Variants in ROBO2 observed in about 807,000 individuals in gnomAD.
ROBO2 encodes roundabout homolog 2.
In ROBO2, 53 loss-of-function variants were observed where a neutral mutation model predicts 160.8. That is an observed-to-expected ratio of 0.33 (90% CI 0.26 to 0.41). The LOEUF (loss-of-function observed/expected upper bound fraction) is 0.41, where lower values mean the gene tolerates loss of function less well. ROBO2 is among the 10% of genes least tolerant of loss of function. The pLI is 1.00. For synonymous variants in ROBO2, 664 were observed against 611.7 expected (o/e 1.09, Z -1.26); for missense variants, 1,577 against 1,722.4 (o/e 0.92, Z 1.49).
intron 15 of ROBO2, 30 bp from the exon 17 acceptor site, chr3:77,579,917 C>G: frequency 1.3e-6 from 2 of 1,589,902 alleles, no homozygotes; most frequent in Non-Finnish European, 1.7e-6. Context: ...AATCTTATAT[C>G]CATGTGTTAT....
In ROBO2 at chr3:75,922,034, A is replaced by G. The variant is rs543801195; in HGVS notation, c.-14+15074A>G. ...CTTTTACAGGGTAGTGGTGGGGAAG[A>G]AGAACTGACTGTCATGCTTGAATTC... is the stretch of plus-strand genomic sequence containing the variant. On this transcript the variant is annotated intron_variant, in intron 1 of 26. Coordinates refer to the ROBO2 transcript ENST00000487694. Among the ~76,000 whole-genome samples the G allele has an allele frequency of 1.7e-4, 26 of 152,304 alleles. No homozygotes were observed. In the South Asian group the frequency reaches 5.2e-3, roughly 30 times the overall value.
chr3:77,037,560 A>G (rs1253834797), upstream of ROBO2, among the ~76,000 whole-genome samples: 1 of 152,176 alleles, frequency 6.6e-6, no homozygotes, highest in African/African-American at 2.4e-5. Flanking sequence ...ACCCTACACA[A>G]GGATAACTTT....
intron 23 of ROBO2, 73 bp downstream of exon 24, chr3:77,622,505 C>T: frequency 8.2e-7 from 1 of 1,223,624 alleles, no homozygotes; most frequent in Non-Finnish European, 1.2e-6. Flanking sequence ...CAACTACTTC[C>T]TTATTGTAAG....
intron 2 of ROBO2, among the ~76,000 whole-genome samples, chr3:76,555,580 G>T (rs1025211283): frequency 2.0e-5 from 3 of 152,102 alleles, no homozygotes; most frequent in Non-Finnish European, 2.9e-5. Context: ...TTGTAGAGGG[G>T]TAACAGGAGA....
intron 1 of ROBO2, among the ~76,000 whole-genome samples, chr3:77,094,620 A>G (rs140518937): frequency 1.5e-4 from 23 of 152,332 alleles, no homozygotes; most frequent in Admixed American, 5.2e-4. Context: ...ATTGTTTTCC[A>G]AAGTGACTGT....
In ROBO2 at chr3:76,779,052, T is replaced by C. The variant is rs372629889; in HGVS notation, c.110-318962T>C. ...TCAACAGAACTGTCTGACTTCATAA[T>C]CTCTACCTCTCATCCAGGCTGAATC... On this transcript the variant is annotated intron_variant, in intron 2 of 26. Coordinates refer to the ROBO2 transcript ENST00000487694. Among the ~76,000 whole-genome samples, 11 of 151,038 alleles carry C rather than the reference T, an allele frequency of 7.3e-5. No individual in the cohort carries two copies. The East Asian group carries it at 1.4e-3, about 19-fold the overall frequency.
chr3:77,575,634 A>G (rs1295852075), intron 14 of ROBO2, among the ~76,000 whole-genome samples: 2 of 152,136 alleles, frequency 1.3e-5, no homozygotes, highest in African/African-American at 4.8e-5. Flanking sequence ...ATGCATATTC[A>G]AAAAGGCATC....
intron 2 of ROBO2, among the ~76,000 whole-genome samples, chr3:77,112,757 C>T (rs2073790504): frequency 6.6e-6 from 1 of 152,130 alleles, no homozygotes; most frequent in African/African-American, 2.4e-5. Context: ...CCTCGGTGTG[C>T]CATACGGTGA....
chr3:77,295,994 T>A (rs1170629957), intron 2 of ROBO2, among the ~76,000 whole-genome samples: 1 of 143,728 alleles, frequency 7.0e-6, no homozygotes, highest in Non-Finnish European at 1.5e-5. Context: ...GTAAAATTGA[T>A]GGTTAAACGG....
intron 2 of ROBO2, among the ~76,000 whole-genome samples, chr3:76,181,814 G>T (rs1187312836): frequency 1.5e-5 from 2 of 133,482 alleles, no homozygotes; most frequent in East Asian, 4.5e-4. Flanking sequence ...ATATAGAAAA[G>T]GATGATATCA....
chr3:76,407,552 T>C (rs2075271190), intron 2 of ROBO2, among the ~76,000 whole-genome samples: 1 of 151,872 alleles, frequency 6.6e-6, no homozygotes, highest in African/African-American at 2.4e-5. Context: ...AAAGGATGCA[T>C]CTTACCATTA....
intron 2 of ROBO2, among the ~76,000 whole-genome samples, chr3:77,136,765 T>C (rs368296825): frequency 2.8e-4 from 42 of 151,818 alleles, no homozygotes; most frequent in East Asian, 2.5e-3. Flanking sequence ...GCCTCCTGAG[T>C]AGCTGGGACT....
In ROBO2 at chr3:77,257,632, T is replaced by C. The variant is rs538408469; in HGVS notation, c.388+159292T>C. ...GGCAGTGCAGTCTGTATGTAAACAG[T>C]GAAAAACCCTTTGCACAGTTGTACT... On this transcript the variant is annotated intron_variant, in intron 2 of 25. Transcript: ENST00000461745. 6.1e-4 allele frequency among the ~76,000 whole-genome samples: 93 copies of C among 152,326 alleles called. No individual in the cohort carries two copies. In the South Asian group the frequency reaches 0.019, roughly 31 times the overall value.
At chr3:77,489,049 A>T (rs1388694823) in intron 4 of ROBO2, among the ~76,000 whole-genome samples, 1 of 152,222 alleles carries the variant, frequency 6.6e-6, no homozygotes, top group Non-Finnish European at 1.5e-5. Context: ...TGAATAACAC[A>T]GTTTAGAGAT....
chr3:75,911,064 G>GT (rs1045502489), intron 1 of ROBO2, among the ~76,000 whole-genome samples: 2 of 151,798 alleles, frequency 1.3e-5, no homozygotes, highest in Admixed American at 1.3e-4. Context: ...GAAAAATGTA[G>GT]TTTTTTAAAA....
intron 2 of ROBO2, among the ~76,000 whole-genome samples, chr3:76,729,267 A>C (rs1200398842): frequency 6.6e-6 from 1 of 151,948 alleles, no homozygotes; most frequent in Admixed American, 6.6e-5. Context: ...AAATAAAACA[A>C]TTACCAAGGT....
At chr3:77,575,954 A>G (rs1011932880) in intron 14 of ROBO2, among the ~76,000 whole-genome samples, 1 of 151,988 alleles carries the variant, frequency 6.6e-6, no homozygotes, top group African/African-American at 2.4e-5. Flanking sequence ...AACAAATGGA[A>G]CTCAGCTGGG....
rs111739396 is a variant in ROBO2 at position 77,615,697 on chromosome 3, A to T, written c.3294-1816A>T. ...TCTTTTTAGCAACGAATAATATTCC[A>T]TTGCATGGATGTAATGCAGTTTATT... is the stretch of plus-strand genomic sequence containing the variant. On this transcript the variant is annotated intron_variant, in intron 21 of 25. Coordinates refer to ENST00000461745, the Ensembl canonical transcript of ROBO2. 2.2e-3 allele frequency among the ~76,000 whole-genome samples: 340 copies of T among 152,294 alleles called. 2 individuals are homozygous for T. The highest frequency in any genetic ancestry group is 7.9e-3 in the African/African-American group (327 of 41,574).
chr3:76,516,599 G>A lies in ROBO2; in HGVS notation c.109+578997G>A, dbSNP rs180935231. ...ACCAGTGTTCTCTTGTGTACTCTCC[G>A]TTCTTGCATCCTCTCTCCCAACCAT... On this transcript the variant is annotated intron_variant, in intron 2 of 26. Transcript: ENST00000487694. Among the ~76,000 whole-genome samples, 17 of 151,960 alleles carry A rather than the reference G, an allele frequency of 1.1e-4. No homozygotes were observed. The South Asian group carries it at 1.2e-3, about 11-fold the overall frequency.
Sources: gnomAD v4.1 joint callset for allele counts (sites outside exome capture counted in the v4.1 genomes callset) on GRCh38, gnomAD v4.1.1 for gene constraint, MANE v1.5 for transcripts, NCBI Gene and HGNC (gene_info 2026-07-23, HGNC 2026-07-21) for gene names.